OPRK1: variants seen among roughly 807,000 people sequenced by gnomAD.
The protein encoded by OPRK1 is kappa-type opioid receptor.
A neutral mutation model predicts 24.5 loss-of-function variants in OPRK1; 15 were observed. The observed-to-expected ratio is 0.61, with a 90% CI of 0.41 to 0.94. The LOEUF is 0.94. OPRK1 is among the 40% of genes least tolerant of loss of function. The pLI is 0.00. For missense variants in OPRK1, 479 were observed against 507.3 expected (o/e 0.94, Z 0.54); for synonymous variants, 205 against 198.0 (o/e 1.04, Z -0.30).
intron 2 of OPRK1, among the ~76,000 whole-genome samples, chr8:53,239,279 G>A (rs1807063134): frequency 6.6e-6 from 1 of 152,148 alleles, no homozygotes; most frequent in African/African-American, 2.4e-5. Flanking sequence ...CTGGCTCTGA[G>A]GATCTTTTAA....
rs1806955996 is a variant in OPRK1, at chr8:53,235,000, G to A, written c.369C>T (p.Ser123=). Residue 123 remains serine (S), a synonymous_variant, in exon 3 of 4, where the codon TCC becomes TCT. Coordinates refer to ENST00000265572, the MANE Select transcript of OPRK1 (RefSeq NM_000912.5). ...TGCACAGCACATCCCCAAAAGGCCA[G>A]GAATTCATCAAGTAGACCGTACTCT... is the stretch of plus-strand genomic sequence containing the variant. ...PFQSTVYLMN[S]WPFGDVLCKI... 1.9e-6 allele frequency: 3 copies of A among 1,614,032 alleles called. No individual in the cohort carries two copies. The highest frequency in any genetic ancestry group is 1.1e-5 in the South Asian group (1 of 91,088).
Position 53,226,937 on chromosome 8 carries a change from C to G in OPRK1, c.*2360G>C, listed in dbSNP as rs200602437. The G allele has an allele frequency of 3.3e-5, 5 of 152,180 alleles. No homozygotes were observed. Among genetic ancestry groups the G allele is most frequent in the African/African-American group, 1.2e-4 (5 of 41,432 alleles). The allele number at this position is 152,180 out of a possible 1,614,324, so 9.4% of individuals were successfully genotyped here. On this transcript the variant is annotated 3_prime_UTR_variant, in exon 4 of 4. Coordinates refer to ENST00000265572, the MANE Select transcript of OPRK1 (RefSeq NM_000912.5). ...CAGGCAAACCAATAATGGCAATTAA[C>G]GCTGTAAGAGCACGTGAAGTGCTAA...
intron 3 of OPRK1, among the ~76,000 whole-genome samples, chr8:53,231,091 C>T (rs1488221529): frequency 6.6e-6 from 1 of 151,912 alleles, no homozygotes; most frequent in South Asian, 2.1e-4. Flanking sequence ...CAATGAAATA[C>T]CAGATGAAAC....
chr8:53,232,953 T>C (rs79256899), intron 3 of OPRK1, among the ~76,000 whole-genome samples: 3,988 of 152,324 alleles, frequency 0.026, 179 homozygotes, highest in African/African-American at 0.091. Context: ...AAGTGAAAGC[T>C]TTGCCTCAGA....
chr8:53,239,667 A>T (rs1426330702), intron 2 of OPRK1, among the ~76,000 whole-genome samples: 5 of 152,362 alleles, frequency 3.3e-5, no homozygotes. Context: ...TAAATGAGAC[A>T]TGCATAAAAT....
At chr8:53,237,082 C>G (rs1807013416) in intron 2 of OPRK1, among the ~76,000 whole-genome samples, 1 of 152,108 alleles carries the variant, frequency 6.6e-6, no homozygotes, top group African/African-American at 2.4e-5. Flanking sequence ...ATGAATGCAC[C>G]TGACCCAGAC....
At chr8:53,246,205 T>C (rs1807223834) in intron 2 of OPRK1, among the ~76,000 whole-genome samples, 1 of 151,948 alleles carries the variant, frequency 6.6e-6, no homozygotes, top group Non-Finnish European at 1.5e-5. Context: ...GAGGGTGCTA[T>C]TCGAGAAAGT....
At chr8:53,236,114 C>A (rs1057401318) in intron 2 of OPRK1, among the ~76,000 whole-genome samples, 1 of 152,104 alleles carries the variant, frequency 6.6e-6, no homozygotes, top group African/African-American at 2.4e-5. Context: ...TCAAGCGTGC[C>A]CCATTTGATA....
At chr8:53,235,192 A>C (rs928721677) in intron 2 of OPRK1, 81 bp from the exon 3 acceptor site, 42 of 1,218,694 alleles carry the variant, frequency 3.4e-5, no homozygotes, top group Non-Finnish European at 4.6e-5. Flanking sequence ...TAGCCTTTGG[A>C]TTACTGATTT....
rs778563875 is a variant in OPRK1, at chr8:53,250,830, A to G, written c.208T>C (p.Phe70Leu). The change falls in exon 2 of 4, where the codon TTC becomes CTC. Residue 70 changes from phenylalanine to leucine, a missense_variant. By Grantham distance (22) the Phe-to-Leu change is conservative. Transcript: ENST00000265572. ...GAGTTGCCCACCAAGCCCACGACGA[A>G]CACTACGGAGTAGACCGCCGTGATG... The part of the protein sequence containing the change: ...VIITAVYSVV[F>L]VVGLVGNSLV... The G allele has an allele frequency of 3.7e-6, 6 of 1,611,724 alleles. No homozygotes were observed. The Admixed American group carries it at 6.7e-5, about 18-fold the overall frequency.
At chr8:53,242,987 A>G in intron 2 of OPRK1, 5 of 1,249,408 alleles carry the variant, frequency 4.0e-6, no homozygotes, top group Non-Finnish European at 5.2e-6. Flanking sequence ...TATTCTTCAT[A>G]TATAAGCCTT....
chr8:53,236,925 A>G (rs62505375), intron 2 of OPRK1, among the ~76,000 whole-genome samples: 6,404 of 152,226 alleles, frequency 0.042, 226 homozygotes, highest in Non-Finnish European at 0.058. Flanking sequence ...TCTTTTTGCT[A>G]TAAACTTAGG....
At position 53,234,877 on chromosome 8, in the gene OPRK1, C is replaced by A. The variant is rs1485038721; in HGVS notation, c.492G>T (p.Val164=). Residue 164 remains valine (V), a synonymous_variant, in exon 3 of 4, where the codon GTG becomes GTT. Transcript: ENST00000265572. The part of the protein sequence containing the change: ...VDRYIAVCHP[V]KALDFRTPLK... ...AGGGTGTGCGGAAGTCCAAAGCCTTCACGGGGTGGCACACGGCAATGTAGC... is the reference window on the plus strand; with the variant it reads ...AGGGTGTGCGGAAGTCCAAAGCCTTAACGGGGTGGCACACGGCAATGTAGC... The A allele has an allele frequency of 1.2e-6, 2 of 1,614,166 alleles. No individual in the cohort carries two copies. Among genetic ancestry groups the A allele is most frequent in the Middle Eastern group, 1.6e-4 (1 of 6,062 alleles).
At chr8:53,244,342 C>T (rs757272977) in intron 2 of OPRK1, among the ~76,000 whole-genome samples, 14 of 152,362 alleles carry the variant, frequency 9.2e-5, no homozygotes, top group South Asian at 2.1e-4. Flanking sequence ...CCAAGCTCTA[C>T]GCCTAGCAAG....
chr8:53,241,510 A>C (rs916010016), intron 2 of OPRK1, among the ~76,000 whole-genome samples: 16 of 152,114 alleles, frequency 1.1e-4, no homozygotes, highest in Non-Finnish European at 2.4e-4. Context: ...TTGTCTGCTT[A>C]AAAAGAAAGG....
chr8:53,239,519 G>C (rs1807068152), intron 2 of OPRK1, among the ~76,000 whole-genome samples: 1 of 152,198 alleles, frequency 6.6e-6, no homozygotes, highest in Admixed American at 6.5e-5. Context: ...GGCTGCCTGG[G>C]ATGGGAACAG....
chr8:53,229,502 T>A lies in OPRK1; in HGVS notation c.938A>T (p.Tyr313Phe). The change falls in exon 4 of 4, where the codon TAC becomes TTC. Residue 313 changes from tyrosine to phenylalanine, a missense_variant. By Grantham distance (22) the Tyr-to-Phe change is conservative. Transcript: ENST00000265572. ...SHSTAALSSY[Y>F]FCIALGYTNS... ...GGTATAGCCTAAGGCGATGCAGAAG[T>A]AATAGCTGGAGAGAGCAGCTGTGCT... 6.2e-7 allele frequency: 1 copy of A among 1,614,130 alleles called. No individual in the cohort carries two copies. The highest frequency in any genetic ancestry group is 8.5e-7 in the Non-Finnish European group (1 of 1,180,024).
chr8:53,227,823 C>T lies in OPRK1; in HGVS notation c.*1474G>A, dbSNP rs1806742180. On this transcript the variant is annotated 3_prime_UTR_variant, in exon 4 of 4. Coordinates refer to ENST00000265572, the MANE Select transcript of OPRK1 (RefSeq NM_000912.5). ...ACAGTTGTAATGATGTCTGTAGTTA[C>T]ATAGGGCTATATATTCAATTTTTCT... 1 of 151,762 alleles carries T rather than the reference C, an allele frequency of 6.6e-6. No individual in the cohort carries two copies. The highest frequency in any genetic ancestry group is 2.1e-4 in the South Asian group (1 of 4,814). 9.4% of individuals were successfully genotyped at this position (151,762 alleles called of 1,614,324 possible).
intron 2 of OPRK1, among the ~76,000 whole-genome samples, chr8:53,247,459 T>C (rs1219471987): frequency 6.6e-6 from 1 of 152,204 alleles, no homozygotes; most frequent in East Asian, 1.9e-4. Context: ...AGAAGGTAGC[T>C]TTACCTGCTT....
Sources: allele counts gnomAD v4.1 joint callset (sites outside exome capture counted in the v4.1 genomes callset), GRCh38; gene constraint gnomAD v4.1.1; transcripts MANE v1.5; gene names NCBI Gene and HGNC (gene_info 2026-07-23, HGNC 2026-07-21).